PDE11A: variants seen among roughly 807,000 people sequenced by gnomAD.
PDE11A encodes the protein dual 3',5'-cyclic-AMP and -GMP phosphodiesterase 11A.
In PDE11A, 100 loss-of-function variants were observed where a neutral mutation model predicts 100.5. The observed-to-expected ratio is 1.00, with a 90% CI of 0.85 to 1.18. PDE11A has a LOEUF of 1.18. PDE11A is among the 50% of genes most tolerant of loss of function. The pLI is 0.00. For missense variants in PDE11A, 1,141 were observed against 1,152.6 expected (o/e 0.99, Z 0.15); for synonymous variants, 381 against 420.8 (o/e 0.91, Z 1.16).
chr2:177,909,198 A>C (rs1053918051), intron 2 of PDE11A, among the ~76,000 whole-genome samples: 17 of 152,328 alleles, frequency 1.1e-4, no homozygotes, highest in African/African-American at 4.1e-4. Context: ...AAAAACAACA[A>C]AAACTCTGCC....
rs138134776 is a variant in PDE11A at position 177,820,105 on chromosome 2, G to C, written c.1576+115C>G. 1.0e-5 allele frequency: 7 copies of C among 666,852 alleles called. No homozygotes were observed. The East Asian group carries it at 1.6e-4, about 15-fold the overall frequency. 41.3% of individuals were successfully genotyped at this position (666,852 alleles called of 1,614,324 possible). On this transcript the variant is annotated intron_variant, in intron 7 of 19. Transcript: ENST00000286063. ...AAATTATACGAGAGTGTGAGACATA[G>C]TTTGATGAGTCCTGGCCATAAAAAG... is the stretch of plus-strand genomic sequence containing the variant.
chr2:177,758,776 C>T (rs1027943070), intron 10 of PDE11A, among the ~76,000 whole-genome samples: 1 of 152,206 alleles, frequency 6.6e-6, no homozygotes, highest in Non-Finnish European at 1.5e-5. Flanking sequence ...TGGGATACAG[C>T]AAGCACAAGG....
chr2:178,047,817 A>AC (rs113105331), intron 1 of PDE11A, among the ~76,000 whole-genome samples: 11 of 151,760 alleles, frequency 7.2e-5, no homozygotes, highest in Non-Finnish European at 1.3e-4. Context: ...CATTTTCCTA[A>AC]CCCCCCCATG....
intron 2 of PDE11A, among the ~76,000 whole-genome samples, chr2:177,982,158 A>G (rs1340558739): frequency 6.6e-6 from 1 of 150,942 alleles, no homozygotes; most frequent in African/African-American, 2.4e-5. Flanking sequence ...TTACATACTT[A>G]CTAATCAAAA....
chr2:177,638,861 G>A (rs868757731), intron 19 of PDE11A, among the ~76,000 whole-genome samples: 3 of 152,204 alleles, frequency 2.0e-5, no homozygotes, highest in Non-Finnish European at 2.9e-5. Flanking sequence ...CAGGCTGTGT[G>A]ACCTCTGTGG....
At chr2:177,939,584 G>T in intron 2 of PDE11A, among the ~76,000 whole-genome samples, 1 of 151,098 alleles carries the variant, frequency 6.6e-6, no homozygotes, top group Non-Finnish European at 1.5e-5. Flanking sequence ...AGGAAGGTAG[G>T]TTGACTCCGA....
intron 12 of PDE11A, among the ~76,000 whole-genome samples, chr2:177,715,812 T>C (rs1478664561): frequency 1.3e-5 from 2 of 152,204 alleles, no homozygotes; most frequent in African/African-American, 4.8e-5. Context: ...TCTCTGTGTT[T>C]GGTGGTTTCT....
chr2:177,675,318 A>AT, intron 17 of PDE11A, 137 bp downstream of exon 17: 3 of 708,196 alleles, frequency 4.2e-6, no homozygotes, highest in Middle Eastern at 3.8e-4. Flanking sequence ...GCCTCCTGCT[A>AT]TTTTTTACAC....
chr2:177,659,495 A>G (rs2080443079), intron 19 of PDE11A, among the ~76,000 whole-genome samples: 2 of 152,132 alleles, frequency 1.3e-5, no homozygotes, highest in Non-Finnish European at 2.9e-5. Flanking sequence ...CCACTCCAAA[A>G]TCAAAAGCCA....
At chr2:177,881,227 T>C (rs944662507) in intron 4 of PDE11A, among the ~76,000 whole-genome samples, 1 of 152,204 alleles carries the variant, frequency 6.6e-6, no homozygotes, top group South Asian at 2.1e-4. Flanking sequence ...CATCACCAGC[T>C]TTCCTGGTTC....
chr2:177,853,584 G>C (rs377688444), intron 5 of PDE11A, among the ~76,000 whole-genome samples: 1 of 132,524 alleles, frequency 7.5e-6, no homozygotes, highest in East Asian at 2.3e-4. Context: ...GGGTGCTGTG[G>C]ATACCTCCAT....
At chr2:177,735,117 T>C (rs1183541290) in intron 10 of PDE11A, among the ~76,000 whole-genome samples, 1 of 152,124 alleles carries the variant, frequency 6.6e-6, no homozygotes. Flanking sequence ...TACAGAACAG[T>C]ATGGGTTAAG....
At chr2:177,881,889 T>C (rs150098753) in intron 4 of PDE11A, among the ~76,000 whole-genome samples, 1 of 152,168 alleles carries the variant, frequency 6.6e-6, no homozygotes, top group African/African-American at 2.4e-5. Context: ...TGTAGAGCCA[T>C]TTCTAGGCCA....
At chr2:177,692,354 G>A (rs141602098) in intron 15 of PDE11A, among the ~76,000 whole-genome samples, 94 of 152,174 alleles carry the variant, frequency 6.2e-4, no homozygotes, top group African/African-American at 2.0e-3. Flanking sequence ...ATCTTTTATG[G>A]TGCATGTTTT....
At chr2:177,791,534 TAAA>T (rs35728831) in intron 9 of PDE11A, among the ~76,000 whole-genome samples, 6 of 142,756 alleles carry the variant, frequency 4.2e-5, no homozygotes, top group East Asian at 2.0e-4. Flanking sequence ...ACTTAAAGTA[TAAA>T]AAAAAAAAAA....
chr2:177,665,488 AAT>A (rs779286728), intron 18 of PDE11A, among the ~76,000 whole-genome samples: 10 of 58,918 alleles, frequency 1.7e-4, no homozygotes, highest in South Asian at 5.3e-4. Flanking sequence ...TCAAAAAAAA[AAT>A]AATAATAATA....
chr2:177,867,095 G>A (rs1210264969), intron 5 of PDE11A, among the ~76,000 whole-genome samples: 1 of 152,182 alleles, frequency 6.6e-6, no homozygotes, highest in Non-Finnish European at 1.5e-5. Flanking sequence ...GTGTATACTT[G>A]TGTGTGTATT....
At chr2:177,788,246 G>T (rs1055680217) in intron 9 of PDE11A, among the ~76,000 whole-genome samples, 6 of 149,812 alleles carry the variant, frequency 4.0e-5, no homozygotes, top group Admixed American at 4.0e-4. Flanking sequence ...ACTCAAAACC[G>T]CTCAACTACA....
At chr2:177,661,894 A>G (rs531415400) in intron 19 of PDE11A, among the ~76,000 whole-genome samples, 69 of 152,326 alleles carry the variant, frequency 4.5e-4, no homozygotes, top group Non-Finnish European at 8.7e-4. Flanking sequence ...AGGTCACTAC[A>G]CCAAAACAAA....
Sources: gnomAD v4.1 joint callset for allele counts (sites outside exome capture counted in the v4.1 genomes callset) on GRCh38, gnomAD v4.1.1 for gene constraint, MANE v1.5 for transcripts, NCBI Gene and HGNC (gene_info 2026-07-23, HGNC 2026-07-21) for gene names.